Variants in LDB2 observed in about 807,000 individuals in gnomAD.
LDB2 encodes LIM domain binding 2.
A neutral mutation model predicts 44.3 loss-of-function variants in LDB2; 12 were observed. The observed-to-expected ratio is 0.27, with a 90% CI of 0.17 to 0.44. The LOEUF (loss-of-function observed/expected upper bound fraction) is 0.44, where lower values mean the gene tolerates loss of function less well. LDB2 is among the 20% of genes least tolerant of loss of function. LDB2 has a pLI of 1.00. For missense variants in LDB2, 344 were observed against 473.5 expected (o/e 0.73, Z 2.54); for synonymous variants, 164 against 174.8 (o/e 0.94, Z 0.49).
intron 2 of LDB2, among the ~76,000 whole-genome samples, chr4:16,721,575 A>G (rs1758292908): frequency 6.6e-6 from 1 of 152,164 alleles, no homozygotes; most frequent in African/African-American, 2.4e-5. Flanking sequence ...ATCCAACAAA[A>G]AAACTGAGGG....
chr4:16,712,771 T>C (rs957301043), intron 2 of LDB2, among the ~76,000 whole-genome samples: 4 of 152,172 alleles, frequency 2.6e-5, no homozygotes, highest in Non-Finnish European at 4.4e-5. Flanking sequence ...TGTAAAATGG[T>C]GCAGCTGCTT....
At chr4:16,779,252 C>T (rs1369808803) in intron 1 of LDB2, among the ~76,000 whole-genome samples, 1 of 152,194 alleles carries the variant, frequency 6.6e-6, no homozygotes, top group Admixed American at 6.6e-5. Flanking sequence ...AATTTGCTTT[C>T]CCCCGCTAAG....
At chr4:16,861,119 T>C (rs973261372) in intron 1 of LDB2, among the ~76,000 whole-genome samples, 1 of 152,172 alleles carries the variant, frequency 6.6e-6, no homozygotes, top group African/African-American at 2.4e-5. Context: ...GGAACGTTCA[T>C]AAAAATGCTT....
At chr4:16,656,737 AAC>A (rs1426651210) in intron 2 of LDB2, among the ~76,000 whole-genome samples, 2 of 152,218 alleles carry the variant, frequency 1.3e-5, no homozygotes, top group African/African-American at 2.4e-5. Context: ...AGTCCCCGTA[AAC>A]AGATTGATTC....
chr4:16,649,775 C>T (rs1737766245), intron 2 of LDB2, among the ~76,000 whole-genome samples: 1 of 152,170 alleles, frequency 6.6e-6, no homozygotes, highest in Non-Finnish European at 1.5e-5. Flanking sequence ...TCCTTATTGA[C>T]AGAACTTAGA....
chr4:16,797,638 A>T (rs1313262196), intron 1 of LDB2, among the ~76,000 whole-genome samples: 1 of 152,170 alleles, frequency 6.6e-6, no homozygotes, highest in Non-Finnish European at 1.5e-5. Flanking sequence ...AGGAATGATA[A>T]TAATAATAGC....
chr4:16,565,025 G>C (rs2152387552), intron 5 of LDB2, among the ~76,000 whole-genome samples: 1 of 152,266 alleles, frequency 6.6e-6, no homozygotes, highest in African/African-American at 2.4e-5. Context: ...ATAAATATCA[G>C]CAGTAATTAA....
chr4:16,672,010 G>T (rs1744903036), intron 2 of LDB2, among the ~76,000 whole-genome samples: 1 of 152,204 alleles, frequency 6.6e-6, no homozygotes, highest in Admixed American at 6.5e-5. Flanking sequence ...TCTCTGGAGA[G>T]GTGCATGGAG....
chr4:16,823,890 C>T (rs952203056), intron 1 of LDB2, among the ~76,000 whole-genome samples: 2 of 152,106 alleles, frequency 1.3e-5, no homozygotes, highest in Non-Finnish European at 2.9e-5. Context: ...GCACACAGAC[C>T]GGGAAGATGC....
At chr4:16,570,330 G>T (rs1278826467) in intron 5 of LDB2, among the ~76,000 whole-genome samples, 1 of 150,984 alleles carries the variant, frequency 6.6e-6, no homozygotes, top group African/African-American at 2.4e-5. Flanking sequence ...GGGTGTGGTG[G>T]CGGGCACCTG....
intron 1 of LDB2, among the ~76,000 whole-genome samples, chr4:16,799,842 G>A (rs545478938): frequency 1.1e-4 from 16 of 152,106 alleles, no homozygotes; most frequent in African/African-American, 1.9e-4. Context: ...AAGTATGTCC[G>A]ATGCAATATT....
chr4:16,652,023 G>A (rs1017644074), intron 2 of LDB2, among the ~76,000 whole-genome samples: 5 of 152,032 alleles, frequency 3.3e-5, no homozygotes, highest in Non-Finnish European at 7.4e-5. Context: ...TGATCATAGT[G>A]CACTGTAACC....
chr4:16,842,733 A>T (rs1786114662), intron 1 of LDB2, among the ~76,000 whole-genome samples: 1 of 152,188 alleles, frequency 6.6e-6, no homozygotes, highest in African/African-American at 2.4e-5. Flanking sequence ...GTTTGGATTC[A>T]CATTTTTAAA....
chr4:16,875,943 T>C (rs571910364), intron 1 of LDB2, among the ~76,000 whole-genome samples: 1 of 152,262 alleles, frequency 6.6e-6, no homozygotes, highest in African/African-American at 2.4e-5. Context: ...TTATAGGAAG[T>C]AGGAATGCAT....
At chr4:16,704,472 G>C (rs1388424604) in intron 2 of LDB2, among the ~76,000 whole-genome samples, 1 of 152,148 alleles carries the variant, frequency 6.6e-6, no homozygotes, top group African/African-American at 2.4e-5. Flanking sequence ...CCTTAATTGG[G>C]AGTAGATAAT....
intron 5 of LDB2, among the ~76,000 whole-genome samples, chr4:16,546,429 C>A (rs1735764315): frequency 6.6e-6 from 1 of 152,188 alleles, no homozygotes; most frequent in Non-Finnish European, 1.5e-5. Context: ...GATATAGTCC[C>A]TCACTTACCT....
At chr4:16,676,483 A>G (rs1277307649) in intron 2 of LDB2, among the ~76,000 whole-genome samples, 1 of 152,232 alleles carries the variant, frequency 6.6e-6, no homozygotes, top group African/African-American at 2.4e-5. Context: ...TAAGGCATCC[A>G]TTATTGAGTT....
chr4:16,749,966 C>T (rs976154745), intron 2 of LDB2, among the ~76,000 whole-genome samples: 3 of 152,198 alleles, frequency 2.0e-5, no homozygotes, highest in African/African-American at 7.2e-5. Context: ...TCAACACCCG[C>T]TTCTCCATGC....
At chr4:16,629,539 G>A (rs1485899707) in intron 2 of LDB2, among the ~76,000 whole-genome samples, 11 of 152,086 alleles carry the variant, frequency 7.2e-5, no homozygotes, top group Admixed American at 7.2e-4. Context: ...CAGCTGAGGG[G>A]CCTGTCTGTT....
Sources: gnomAD v4.1 joint callset for allele counts (sites outside exome capture counted in the v4.1 genomes callset) on GRCh38, gnomAD v4.1.1 for gene constraint, MANE v1.5 for transcripts, NCBI Gene and HGNC (gene_info 2026-07-23, HGNC 2026-07-21) for gene names.